The following SH3D19 variants were observed in gnomAD, a reference collection of about 807,000 sequenced individuals.
SH3D19 encodes SH3 domain containing 19, also known as SH3 domain-containing protein 19.
In SH3D19, 58 loss-of-function variants were observed where a neutral mutation model predicts 112.1. The observed-to-expected ratio is 0.52, with a 90% CI of 0.42 to 0.64. The LOEUF (loss-of-function observed/expected upper bound fraction) is 0.64, where lower values mean the gene tolerates loss of function less well. Ranked by LOEUF, SH3D19 falls within the 30% of genes least tolerant of loss-of-function variation. The pLI, the probability that SH3D19 is intolerant of heterozygous loss-of-function variation, is 0.00. For synonymous variants in SH3D19, 391 were observed against 448.5 expected, an observed-to-expected ratio of 0.87 and a Z score of 1.62; for missense variants, 1,090 against 1,263.4, an observed-to-expected ratio of 0.86 and a Z score of 2.08.
intron 1 of SH3D19, among the ~76,000 whole-genome samples, chr4:151,265,463 G>A (rs1772705732): frequency 6.6e-6 from 1 of 151,478 alleles, no homozygotes; most frequent in Non-Finnish European, 1.5e-5. Flanking sequence ...AAATATAACA[G>A]TTGGAAGGCA....
chr4:151,265,602 A>T (rs1377982593), intron 1 of SH3D19, among the ~76,000 whole-genome samples: 4 of 131,728 alleles, frequency 3.0e-5, no homozygotes, highest in Admixed American at 8.2e-5. Flanking sequence ...TTAAAGACAG[A>T]GTCTTGCTGT....
chr4:151,134,172 G>T (rs1751331299), intron 15 of SH3D19, among the ~76,000 whole-genome samples: 2 of 152,190 alleles, frequency 1.3e-5, no homozygotes, highest in Non-Finnish European at 2.9e-5. Context: ...AACTATTGTG[G>T]ATCAGAAGTT....
intron 1 of SH3D19, among the ~76,000 whole-genome samples, chr4:151,255,851 AC>A (rs1366005129): frequency 6.6e-6 from 1 of 152,202 alleles, no homozygotes; most frequent in Non-Finnish European, 1.5e-5. Context: ...ACAGCGAAAC[AC>A]CGTCTCCACC....
intron 9 of SH3D19, among the ~76,000 whole-genome samples, chr4:151,155,208 G>C (rs1755864445): frequency 6.6e-6 from 1 of 152,140 alleles, no homozygotes; most frequent in Admixed American, 6.6e-5. Flanking sequence ...ACCTTCTCAA[G>C]CAACTTTTCC....
chr4:151,244,038 T>C (rs1186417639), intron 1 of SH3D19, among the ~76,000 whole-genome samples: 2 of 152,184 alleles, frequency 1.3e-5, no homozygotes, highest in African/African-American at 2.4e-5. Context: ...CAGGTGTTGA[T>C]TGGAAGGGAG....
At chr4:151,132,215 T>C in intron 17 of SH3D19, 116 bp downstream of exon 17, 6 of 792,150 alleles carry the variant, frequency 7.6e-6, no homozygotes, top group Non-Finnish European at 1.2e-5. Flanking sequence ...TACAAACATT[T>C]GTTGTATGAA....
chr4:151,144,500 A>G, intron 11 of SH3D19: 1 of 563,366 alleles, frequency 1.8e-6, no homozygotes, highest in South Asian at 2.3e-5. Context: ...CCATAGAACC[A>G]CAAGAGCTAA....
intron 7 of SH3D19, chr4:151,170,573 T>C (rs562080716): frequency 1.3e-5 from 2 of 152,328 alleles, no homozygotes; most frequent in African/African-American, 2.4e-5. Context: ...ATTTGTAACC[T>C]TGAATAATAT....
At chr4:151,183,569 G>C (rs959213399) in intron 3 of SH3D19, among the ~76,000 whole-genome samples, 3 of 152,162 alleles carry the variant, frequency 2.0e-5, no homozygotes, top group Admixed American at 1.3e-4. Flanking sequence ...TTAACTCTGT[G>C]TGGAGCCAGG....
chr4:151,177,628 C>T (rs1342941844), intron 4 of SH3D19, among the ~76,000 whole-genome samples: 1 of 152,180 alleles, frequency 6.6e-6, no homozygotes, highest in Non-Finnish European at 1.5e-5. Context: ...GGATTAGAGG[C>T]GTGAGCCACT....
intron 2 of SH3D19, among the ~76,000 whole-genome samples, chr4:151,211,621 C>T (rs1009015148): frequency 6.6e-6 from 1 of 150,622 alleles, no homozygotes; most frequent in African/African-American, 2.4e-5. Context: ...AATGTGCTAT[C>T]CCAGGGACCA....
chr4:151,277,100 C>T, intron 1 of SH3D19: 4 of 1,180,508 alleles, frequency 3.4e-6, no homozygotes, highest in African/African-American at 3.1e-5. Context: ...GTTCTGGCAG[C>T]TCCCCATTGG....
chr4:151,201,939 G>C (rs1764450065), intron 2 of SH3D19, among the ~76,000 whole-genome samples: 1 of 151,606 alleles, frequency 6.6e-6, no homozygotes, highest in African/African-American at 2.4e-5. Context: ...TTGAACTCGG[G>C]AGGCAGAGGT....
At chr4:151,160,485 T>C (rs1209928660) in intron 8 of SH3D19, among the ~76,000 whole-genome samples, 1 of 152,242 alleles carries the variant, frequency 6.6e-6, no homozygotes, top group Non-Finnish European at 1.5e-5. Flanking sequence ...ACATCAGTGA[T>C]AATGTAGCCC....
At chr4:151,206,370 T>C (rs1251352608) in intron 2 of SH3D19, among the ~76,000 whole-genome samples, 2 of 152,148 alleles carry the variant, frequency 1.3e-5, no homozygotes, top group Non-Finnish European at 2.9e-5. Flanking sequence ...GACAAAACAA[T>C]AAAGTCTTCT....
rs555450449 is a variant in SH3D19 at position 151,294,813 on chromosome 4, C to T, written c.112+30428G>A. 1.1e-4 allele frequency among the ~76,000 whole-genome samples: 16 copies of T among 152,202 alleles called. No individual in the cohort carries two copies. The East Asian group carries it at 2.7e-3, about 26-fold the overall frequency. On this transcript the variant is annotated intron_variant, in intron 1 of 19. Coordinates refer to ENST00000604030, the MANE Select transcript of SH3D19 (RefSeq NM_001378122.1). ...ATTCATATTATAATAATGTCATGTA[C>T]AAGAAAGCCTGATAATAAAATAAGA...
At chr4:151,141,692 G>T (rs1753018391) in intron 12 of SH3D19, among the ~76,000 whole-genome samples, 1 of 152,132 alleles carries the variant, frequency 6.6e-6, no homozygotes, top group African/African-American at 2.4e-5. Flanking sequence ...TTATACATGT[G>T]CATGTGTGAT....
At chr4:151,289,983 C>A (rs1775165235) in intron 1 of SH3D19, among the ~76,000 whole-genome samples, 1 of 152,176 alleles carries the variant, frequency 6.6e-6, no homozygotes, top group African/African-American at 2.4e-5. Flanking sequence ...GAAACAGGGT[C>A]TTGCTCTGTC....
At chr4:151,312,825 C>T (rs895356944) in intron 1 of SH3D19, among the ~76,000 whole-genome samples, 5 of 150,842 alleles carry the variant, frequency 3.3e-5, no homozygotes, top group Non-Finnish European at 7.4e-5. Context: ...GGTGTGAACC[C>T]GGGAGGCGAA....
Sources: allele counts gnomAD v4.1 joint callset (sites outside exome capture counted in the v4.1 genomes callset), GRCh38; gene constraint gnomAD v4.1.1; transcripts MANE v1.5; gene names NCBI Gene and HGNC (gene_info 2026-07-23, HGNC 2026-07-21).